SLC30A8: variants seen among roughly 807,000 people sequenced by gnomAD.
The protein encoded by SLC30A8 is solute carrier family 30 member 8.
In SLC30A8, 27 loss-of-function variants were observed where a neutral mutation model predicts 36.9. The ratio of observed to expected loss-of-function variants is 0.73; its 90% CI spans 0.54 to 1.01. The LOEUF is 1.01. Ranked by LOEUF, SLC30A8 falls within the 50% of genes least tolerant of loss-of-function variation. The pLI is 0.00. For synonymous variants in SLC30A8, 164 were observed against 172.4 expected (o/e 0.95, Z 0.38); for missense variants, 439 against 452.0 (o/e 0.97, Z 0.26).
chr8:117,049,617 T>C (rs1817649119), intron 2 of SLC30A8, among the ~76,000 whole-genome samples: 1 of 152,224 alleles, frequency 6.6e-6, no homozygotes, highest in Admixed American at 6.5e-5. Context: ...CCATCCTCTT[T>C]ATCTACTGCC....
intron 3 of SLC30A8, among the ~76,000 whole-genome samples, chr8:117,156,878 T>A (rs2130996415): frequency 6.6e-6 from 1 of 152,330 alleles, no homozygotes; most frequent in Admixed American, 6.5e-5. Context: ...TAAAAGGAAC[T>A]AATCTCTGGG....
intron 2 of SLC30A8, among the ~76,000 whole-genome samples, chr8:117,098,213 T>G (rs1435228419): frequency 6.6e-6 from 1 of 151,108 alleles, no homozygotes; most frequent in Non-Finnish European, 1.5e-5. Flanking sequence ...GAATTTAAGG[T>G]GACGGTCATC....
intron 2 of SLC30A8, among the ~76,000 whole-genome samples, chr8:117,087,082 A>G (rs1316244286): frequency 6.6e-6 from 1 of 152,180 alleles, no homozygotes; most frequent in East Asian, 1.9e-4. Context: ...TCTAACACAG[A>G]AAATCTGGGG....
chr8:116,995,057 G>T lies in SLC30A8; in HGVS notation c.-266+43938G>T, dbSNP rs534661917. ...TGGAAGGTCATGCTAATGCCTCTTC[G>T]ATTGTTAATGTAATGCGGTGTAAAT... On this transcript the variant is annotated intron_variant, in intron 1 of 10. Coordinates refer to the SLC30A8 transcript ENST00000427715. Among the ~76,000 whole-genome samples, 4 of 152,090 alleles carry T rather than the reference G, an allele frequency of 2.6e-5. No individual in the cohort carries two copies. In the South Asian group the frequency reaches 8.3e-4, roughly 32 times the overall value.
chr8:116,980,076 G>C (rs1184962328), intron 1 of SLC30A8, among the ~76,000 whole-genome samples: 1 of 152,144 alleles, frequency 6.6e-6, no homozygotes, highest in Non-Finnish European at 1.5e-5. Context: ...CTTGATCCCT[G>C]CTCCTTCTGA....
intron 1 of SLC30A8, among the ~76,000 whole-genome samples, chr8:117,000,320 G>A (rs1377464355): frequency 6.6e-6 from 1 of 152,156 alleles, no homozygotes; most frequent in Non-Finnish European, 1.5e-5. Flanking sequence ...TTTAAATCTT[G>A]TGTGAAGATT....
At chr8:117,026,066 G>C (rs1026750097) in intron 1 of SLC30A8, among the ~76,000 whole-genome samples, 3 of 152,166 alleles carry the variant, frequency 2.0e-5, no homozygotes, top group Non-Finnish European at 2.9e-5. Context: ...ATGCAGGGGG[G>C]AGAAAAGGAG....
chr8:116,967,595 G>A (rs367757344), intron 1 of SLC30A8, among the ~76,000 whole-genome samples: 1 of 152,082 alleles, frequency 6.6e-6, no homozygotes, highest in African/African-American at 2.4e-5. Flanking sequence ...GAATTCATAG[G>A]GGGTAATAAA....
intron 1 of SLC30A8, among the ~76,000 whole-genome samples, chr8:116,976,242 CTTT>C (rs78495363): frequency 2.1e-4 from 25 of 117,932 alleles, no homozygotes; most frequent in Admixed American, 4.8e-4. Context: ...AGTTCTCTCT[CTTT>C]TTTTTTTTTT....
intron 3 of SLC30A8, among the ~76,000 whole-genome samples, chr8:117,154,929 T>C (rs1822397188): frequency 6.6e-6 from 1 of 152,168 alleles, no homozygotes; most frequent in African/African-American, 2.4e-5. Context: ...AATGTAGCTA[T>C]TGAGCACTTT....
At chr8:116,964,392 C>G (rs1814529162) in intron 1 of SLC30A8, among the ~76,000 whole-genome samples, 1 of 152,188 alleles carries the variant, frequency 6.6e-6, no homozygotes, top group Non-Finnish European at 1.5e-5. Flanking sequence ...TAACAGACTT[C>G]CACAATGGTT....
At chr8:117,009,926 G>A (rs1184369711) in intron 1 of SLC30A8, among the ~76,000 whole-genome samples, 2 of 151,946 alleles carry the variant, frequency 1.3e-5, no homozygotes, top group East Asian at 1.9e-4. Context: ...ATATTTTTTC[G>A]GAGTGAAGCA....
chr8:116,977,714 G>A (rs1432242028), intron 1 of SLC30A8, among the ~76,000 whole-genome samples: 1 of 151,944 alleles, frequency 6.6e-6, no homozygotes, highest in African/African-American at 2.4e-5. Context: ...ATTTCACCAT[G>A]TTGGCCAAGA....
chr8:117,119,267 C>G (rs1820585780), intron 2 of SLC30A8, among the ~76,000 whole-genome samples: 1 of 151,866 alleles, frequency 6.6e-6, no homozygotes, highest in South Asian at 2.1e-4. Flanking sequence ...GTCTTCAACA[C>G]CTTTAGTTCA....
At chr8:117,074,089 CAGA>C (rs1455584254) in intron 2 of SLC30A8, among the ~76,000 whole-genome samples, 1 of 151,954 alleles carries the variant, frequency 6.6e-6, no homozygotes, top group Non-Finnish European at 1.5e-5. Flanking sequence ...CAAAATGTAC[CAGA>C]AGGAGACAGA....
intron 1 of SLC30A8, among the ~76,000 whole-genome samples, chr8:117,143,647 C>T (rs1821760479): frequency 7.0e-6 from 1 of 142,806 alleles, no homozygotes; most frequent in South Asian, 2.2e-4. Flanking sequence ...AGACTGTGTA[C>T]TCTTGCCTCT....
chr8:116,955,680 G>A (rs1177902261), intron 1 of SLC30A8, among the ~76,000 whole-genome samples: 4 of 150,410 alleles, frequency 2.7e-5, no homozygotes, highest in African/African-American at 7.3e-5. Flanking sequence ...CTGAGATCAC[G>A]CCACTGCACT....
intron 3 of SLC30A8, among the ~76,000 whole-genome samples, chr8:117,156,714 T>C (rs6469678): frequency 0.11 from 17,129 of 152,184 alleles, 1,731 homozygotes; most frequent in African/African-American, 0.27. Flanking sequence ...AGAAGCTAAG[T>C]GTAAAAAGTG....
At chr8:117,058,769 A>C (rs1817944305) in intron 2 of SLC30A8, among the ~76,000 whole-genome samples, 1 of 152,182 alleles carries the variant, frequency 6.6e-6, no homozygotes, top group South Asian at 2.1e-4. Flanking sequence ...ATATGAAATT[A>C]AATTTTGGTG....
Sources: allele counts gnomAD v4.1 joint callset (sites outside exome capture counted in the v4.1 genomes callset), GRCh38; gene constraint gnomAD v4.1.1; transcripts MANE v1.5; gene names NCBI Gene and HGNC (gene_info 2026-07-23, HGNC 2026-07-21).